The following SAMTOR variants were observed in gnomAD, a reference collection of about 807,000 sequenced individuals.
The protein encoded by SAMTOR is UPF0532 protein C7orf60.
the SAMTOR span, among the ~76,000 whole-genome samples, chr7:112,854,683 A>G: frequency 1.1e-3 from 162 of 152,300 alleles, no homozygotes; most frequent in Non-Finnish European, 1.9e-3. Flanking sequence ...CTTTAGTCCA[A>G]TGTTTCCCCA....
chr7:112,845,447 C>A, the SAMTOR span, among the ~76,000 whole-genome samples: 1 of 152,100 alleles, frequency 6.6e-6, no homozygotes, highest in Admixed American at 6.6e-5. Flanking sequence ...AGACACTTCT[C>A]AACAGAATAC....
the SAMTOR span, among the ~76,000 whole-genome samples, chr7:112,919,013 C>A: frequency 6.6e-6 from 1 of 152,020 alleles, no homozygotes; most frequent in Non-Finnish European, 1.5e-5. Flanking sequence ...ACTTTAACAC[C>A]CCACTGTCAA....
At chr7:112,916,287 T>C in the SAMTOR span, among the ~76,000 whole-genome samples, 2 of 152,188 alleles carry the variant, frequency 1.3e-5, no homozygotes, top group African/African-American at 4.8e-5. Flanking sequence ...GAGAATGCTA[T>C]TGCTAAATAA....
At chr7:112,903,905 A>G in the SAMTOR span, among the ~76,000 whole-genome samples, 1 of 152,188 alleles carries the variant, frequency 6.6e-6, no homozygotes, top group African/African-American at 2.4e-5. Context: ...AACTTCATCT[A>G]TGAGATGATT....
At chr7:112,913,650 C>T in the SAMTOR span, among the ~76,000 whole-genome samples, 1 of 152,192 alleles carries the variant, frequency 6.6e-6, no homozygotes, top group African/African-American at 2.4e-5. Flanking sequence ...CAAGACCCTA[C>T]AAAATCTAGC....
the SAMTOR span, among the ~76,000 whole-genome samples, chr7:112,866,178 G>T: frequency 6.6e-6 from 1 of 152,068 alleles, no homozygotes; most frequent in African/African-American, 2.4e-5. Context: ...AATGCTTTAT[G>T]AATTATTTTT....
chr7:112,845,211 C>A, the SAMTOR span, among the ~76,000 whole-genome samples: 5 of 152,022 alleles, frequency 3.3e-5, no homozygotes, highest in Non-Finnish European at 7.4e-5. Context: ...ATGTGAAAAG[C>A]AATCACAACA....
chr7:112,833,312 G>A, the SAMTOR span, among the ~76,000 whole-genome samples: 3 of 152,036 alleles, frequency 2.0e-5, no homozygotes, highest in Non-Finnish European at 4.4e-5. Context: ...ACCCTTATTG[G>A]GCTATGGTTA....
chr7:112,842,262 C>T, the SAMTOR span, among the ~76,000 whole-genome samples: 2 of 151,860 alleles, frequency 1.3e-5, no homozygotes, highest in African/African-American at 2.4e-5. Flanking sequence ...TGAATTTGTG[C>T]TTGGGATATT....
At chr7:112,907,212 G>A in the SAMTOR span, among the ~76,000 whole-genome samples, 3 of 152,260 alleles carry the variant, frequency 2.0e-5, no homozygotes, top group South Asian at 6.2e-4. Context: ...AGTACATCAT[G>A]TAAGTGTCAT....
the SAMTOR span, among the ~76,000 whole-genome samples, chr7:112,883,918 C>T: frequency 1.9e-3 from 292 of 152,076 alleles, 1 homozygote; most frequent in African/African-American, 6.9e-3. Context: ...AAAGACATAC[C>T]CCAGATGGGT....
At chr7:112,894,956 ATAAT>A in the SAMTOR span, among the ~76,000 whole-genome samples, 3 of 152,210 alleles carry the variant, frequency 2.0e-5, no homozygotes, top group Non-Finnish European at 4.4e-5. Flanking sequence ...GCCTGTACTA[ATAAT>A]TAATTGGATT....
chr7:112,931,287 A>C, the SAMTOR span, among the ~76,000 whole-genome samples: 39 of 152,168 alleles, frequency 2.6e-4, no homozygotes, highest in African/African-American at 9.2e-4. Flanking sequence ...GACAACCTTA[A>C]GAGTCCAATT....
chr7:112,844,970 A>T, the SAMTOR span, among the ~76,000 whole-genome samples: 2 of 152,192 alleles, frequency 1.3e-5, 1 homozygote, highest in South Asian at 4.1e-4. Flanking sequence ...ATTTTTGACA[A>T]AGCTGACAAA....
At chr7:112,912,979 T>C in the SAMTOR span, among the ~76,000 whole-genome samples, 1 of 152,170 alleles carries the variant, frequency 6.6e-6, no homozygotes, top group African/African-American at 2.4e-5. Flanking sequence ...TTAAAAGCAC[T>C]ACGCTAAAAT....
the SAMTOR span, among the ~76,000 whole-genome samples, chr7:112,878,083 T>G: frequency 1.3e-5 from 2 of 152,158 alleles, no homozygotes; most frequent in Non-Finnish European, 2.9e-5. Flanking sequence ...TACCATCATG[T>G]TTTAGCATGT....
the SAMTOR span, among the ~76,000 whole-genome samples, chr7:112,853,934 G>A: frequency 3.9e-5 from 6 of 151,902 alleles, no homozygotes; most frequent in African/African-American, 1.5e-4. Flanking sequence ...TTTAGAGCAG[G>A]GAAAATTCAA....
the SAMTOR span, among the ~76,000 whole-genome samples, chr7:112,851,932 A>G: frequency 6.6e-6 from 1 of 152,194 alleles, no homozygotes; most frequent in African/African-American, 2.4e-5. Flanking sequence ...GTGAAATCAC[A>G]ATGAGATATC....
the SAMTOR span, among the ~76,000 whole-genome samples, chr7:112,910,343 CAT>C: frequency 1.3e-5 from 2 of 152,034 alleles, no homozygotes; most frequent in Non-Finnish European, 2.9e-5. Context: ...TTCTGGATAA[CAT>C]GTAATCATCA....
Sources: allele counts gnomAD v4.1 joint callset (sites outside exome capture counted in the v4.1 genomes callset), GRCh38; gene constraint gnomAD v4.1.1; transcripts MANE v1.5; gene names NCBI Gene and HGNC (gene_info 2026-07-23, HGNC 2026-07-21).